The following CNKSR2 variants were observed in gnomAD, a reference collection of about 807,000 sequenced individuals.
CNKSR2 encodes the protein CNK homolog protein 2.
In CNKSR2, 14 loss-of-function variants were observed where a neutral mutation model predicts 84.4. That is an observed-to-expected ratio of 0.17 (90% CI 0.11 to 0.26). CNKSR2 has a LOEUF of 0.26. CNKSR2 is among the 10% of genes least tolerant of loss of function. The probability of loss-of-function intolerance (pLI) is 1.00; values close to 1 mark genes in which losing one functional copy is unlikely to be tolerated. For missense variants in CNKSR2, 485 were observed against 771.2 expected (o/e 0.63, Z 4.40); for synonymous variants, 275 against 277.9 (o/e 0.99, Z 0.10).
intron 1 of CNKSR2, among the ~76,000 whole-genome samples, chrX:21,384,190 T>C (rs954099572): frequency 4.5e-5 from 5 of 111,771 alleles, no homozygotes; most frequent in Non-Finnish European, 7.5e-5. Context: ...CCTCCTGGCC[T>C]GCTGGAACTT....
At position 21,430,850 on chromosome X, in the gene CNKSR2, T is replaced by C. The variant is rs1392886998; in HGVS notation, c.229-1762T>C. 6.2e-5 allele frequency among the ~76,000 whole-genome samples: 7 copies of C among 112,112 alleles called. No individual in the cohort carries two copies. In the Admixed American group the frequency reaches 6.7e-4, roughly 11 times the overall value. ...CTCCCACATTTCACAAATAATCCATTCTTAAATGCAATAGAATTTGAATAG... is the reference window on the plus strand; with the variant it reads ...CTCCCACATTTCACAAATAATCCATCCTTAAATGCAATAGAATTTGAATAG... On this transcript the variant is annotated intron_variant, in intron 2 of 21. Transcript: ENST00000379510.
At chrX:21,406,939 A>G (rs2090272168) in intron 1 of CNKSR2, among the ~76,000 whole-genome samples, 1 of 111,966 alleles carries the variant, frequency 8.9e-6, no homozygotes, top group Admixed American at 9.5e-5. Flanking sequence ...GTTGTTCTTT[A>G]TGCTGTCTTC....
chrX:21,518,236 A>T (rs1037310906), intron 9 of CNKSR2, among the ~76,000 whole-genome samples: 15 of 110,758 alleles, frequency 1.4e-4, no homozygotes, highest in African/African-American at 4.3e-4. Context: ...TGCTCCCCCT[A>T]GAGTTTCCTA....
chrX:21,599,250 C>T (rs1455973632), intron 17 of CNKSR2, among the ~76,000 whole-genome samples: 3 of 111,169 alleles, frequency 2.7e-5, no homozygotes, highest in East Asian at 5.6e-4. Flanking sequence ...TTGAGCAAGC[C>T]CCTTTTTAGT....
intron 11 of CNKSR2, among the ~76,000 whole-genome samples, chrX:21,533,572 A>T (rs1002864832): frequency 9.0e-6 from 1 of 111,401 alleles, no homozygotes; most frequent in African/African-American, 3.2e-5. Flanking sequence ...AATGGCTATA[A>T]ATTGGTAGTC....
chrX:21,573,689 G>C (rs889708555), intron 13 of CNKSR2, among the ~76,000 whole-genome samples: 10 of 111,362 alleles, frequency 9.0e-5, no homozygotes, highest in Non-Finnish European at 1.5e-4. Context: ...AGGGCACCAA[G>C]TCCCTAGGCT....
At chrX:21,415,835 C>CATATATACAT (rs1258831030) in intron 1 of CNKSR2, among the ~76,000 whole-genome samples, 1 of 8,670 alleles carries the variant, frequency 1.2e-4, no homozygotes, top group Non-Finnish European at 2.4e-4. Flanking sequence ...TACATATATA[C>CATATATACAT]ACACACACAC....
chrX:21,398,781 T>G (rs1033057384), intron 1 of CNKSR2, among the ~76,000 whole-genome samples: 1 of 111,939 alleles, frequency 8.9e-6, no homozygotes, highest in Non-Finnish European at 1.9e-5. Context: ...AAAACTGAAA[T>G]CTATGACTTT....
At chrX:21,527,191 A>G (rs762011534) in intron 10 of CNKSR2, among the ~76,000 whole-genome samples, 191 bp downstream of exon 10, 2 of 110,710 alleles carry the variant, frequency 1.8e-5, no homozygotes, top group African/African-American at 6.5e-5. Flanking sequence ...ACTAATTTGT[A>G]TATAAATACT....
At chrX:21,595,110 A>G in intron 16 of CNKSR2, 63 bp downstream of exon 16, 1 of 911,260 alleles carries the variant, frequency 1.1e-6, no homozygotes, top group Non-Finnish European at 1.6e-6. Context: ...CAGCTTTTAA[A>G]TTATAGGTTG....
At chrX:21,628,370 C>T (rs1346078886) in intron 20 of CNKSR2, among the ~76,000 whole-genome samples, 2 of 111,438 alleles carry the variant, frequency 1.8e-5, no homozygotes, top group African/African-American at 6.5e-5. Flanking sequence ...TGGTGGCCCT[C>T]ATCTCACAGC....
At chrX:21,642,344 T>C (rs779501310) in intron 20 of CNKSR2, 1 of 750,967 alleles carries the variant, frequency 1.3e-6, no homozygotes, top group South Asian at 6.8e-5. Flanking sequence ...TGGTGTTGCC[T>C]CTTAGGGCAG....
At chrX:21,592,021 A>G (rs912188238) in intron 15 of CNKSR2, 2 of 111,687 alleles carry the variant, frequency 1.8e-5, no homozygotes, top group African/African-American at 6.5e-5. Context: ...ACATTCATCA[A>G]TTTGCATTTG....
chrX:21,572,572 G>A (rs956895309), intron 13 of CNKSR2, among the ~76,000 whole-genome samples: 8 of 111,334 alleles, frequency 7.2e-5, no homozygotes, highest in African/African-American at 1.3e-4. Flanking sequence ...TTACAATCAC[G>A]GCAGAAGAGG....
intron 20 of CNKSR2, among the ~76,000 whole-genome samples, chrX:21,613,863 CG>C (rs1569275164): frequency 1.9e-5 from 2 of 106,632 alleles, no homozygotes; most frequent in Admixed American, 2.0e-4. Context: ...TGCTTGAACC[CG>C]GGAGGTGGAG....
At chrX:21,500,137 ATTCTT>A (rs1403263434) in intron 7 of CNKSR2, among the ~76,000 whole-genome samples, 2 of 110,720 alleles carry the variant, frequency 1.8e-5, no homozygotes, top group Non-Finnish European at 3.8e-5. Flanking sequence ...TTATGACTCT[ATTCTT>A]AGAGTTTTTT....
intron 6 of CNKSR2, chrX:21,491,740 T>G (rs2091444678): frequency 8.9e-6 from 1 of 112,165 alleles, no homozygotes; most frequent in Admixed American, 9.5e-5. Context: ...CATTTAGAAC[T>G]TCTGTTAAGT....
At chrX:21,511,607 AG>A (rs2091672005) in intron 8 of CNKSR2, among the ~76,000 whole-genome samples, 1 of 110,804 alleles carries the variant, frequency 9.0e-6, no homozygotes, top group Admixed American at 9.7e-5. Context: ...TTTATAAGTG[AG>A]AGAAAAATTA....
In CNKSR2 at chrX:21,401,840, G is replaced by A. The variant is rs80237700; in HGVS notation, c.65-24657G>A. 7.0e-4 allele frequency among the ~76,000 whole-genome samples: 78 copies of A among 111,664 alleles called. No individual in the cohort carries two copies. In the East Asian group the frequency reaches 0.016, roughly 22 times the overall value. ...ATTTGTACAAACAGTAACCATTCAT[G>A]CTGTGCCTATTAAGTGTCAGCCACT... On this transcript the variant is annotated intron_variant, in intron 1 of 21. Transcript: ENST00000379510.
Sources: gnomAD v4.1 joint callset for allele counts (sites outside exome capture counted in the v4.1 genomes callset) on GRCh38, gnomAD v4.1.1 for gene constraint, MANE v1.5 for transcripts, NCBI Gene and HGNC (gene_info 2026-07-23, HGNC 2026-07-21) for gene names.